CDH23: variants seen among roughly 807,000 people sequenced by gnomAD.
CDH23 encodes the protein cadherin related 23, also known as cadherin-23.
CDH23 carries 189 observed loss-of-function variants against 317.1 expected under a neutral mutation model. That is an observed-to-expected ratio of 0.60 (90% CI 0.53 to 0.67). The LOEUF is 0.67. Among genes scored for constraint, CDH23 ranks in the 30% least tolerant of loss-of-function variants. The pLI is 0.00. For synonymous variants in CDH23, 1,839 were observed against 1,876.8 expected (o/e 0.98, Z 0.52); for missense variants, 4,401 against 4,592.4 (o/e 0.96, Z 1.20).
At chr10:71,727,091 T>G (rs761477738) in intron 30 of CDH23, among the ~76,000 whole-genome samples, 39 of 152,250 alleles carry the variant, frequency 2.6e-4, no homozygotes, top group Admixed American at 2.6e-4. Flanking sequence ...ACGTGCCCGA[T>G]ATTTTTCTAA....
At chr10:71,437,692 C>T (rs996716330) in intron 1 of CDH23, among the ~76,000 whole-genome samples, 1 of 152,226 alleles carries the variant, frequency 6.6e-6, no homozygotes, top group South Asian at 2.1e-4. Context: ...CAAAGTATTC[C>T]TTACAAATTG....
intron 11 of CDH23, among the ~76,000 whole-genome samples, chr10:71,643,363 C>T (rs972692393): frequency 6.6e-6 from 1 of 152,102 alleles, no homozygotes; most frequent in East Asian, 1.9e-4. Context: ...GGAAAATTTG[C>T]CATGTCTCTG....
rs920499024 is a variant in CDH23, at chr10:71,567,971, TG to T, written c.624+1041del. On this transcript the variant is annotated intron_variant, in intron 7 of 69. Transcript: ENST00000224721. ...CTGTCAAGGGGCCTGCCGGCAGCGC[TG>T]GGGGGCTCTCCTTGGTAGGTCACAG... Among the ~76,000 whole-genome samples the T allele has an allele frequency of 5.9e-5, 9 of 152,338 alleles. No homozygotes were observed. The Middle Eastern group carries it at 0.01, about 173-fold the overall frequency.
At chr10:71,466,761 C>T (rs537521011) in intron 3 of CDH23, among the ~76,000 whole-genome samples, 6 of 152,156 alleles carry the variant, frequency 3.9e-5, no homozygotes, top group South Asian at 2.1e-4. Flanking sequence ...TGCCTTCTTG[C>T]GTGGTATGTG....
At chr10:71,430,221 C>A (rs1849305051) in intron 1 of CDH23, among the ~76,000 whole-genome samples, 1 of 152,000 alleles carries the variant, frequency 6.6e-6, no homozygotes, top group Admixed American at 6.6e-5. Context: ...TTTGATCACT[C>A]CATTCTTGTC....
At chr10:71,589,507 C>G (rs1400119430) in intron 9 of CDH23, among the ~76,000 whole-genome samples, 1 of 152,172 alleles carries the variant, frequency 6.6e-6, no homozygotes, top group African/African-American at 2.4e-5. Flanking sequence ...TAAAGCCCAC[C>G]CCACCCATTC....
At chr10:71,569,316 T>A (rs1260375306) in intron 7 of CDH23, among the ~76,000 whole-genome samples, 1 of 152,058 alleles carries the variant, frequency 6.6e-6, no homozygotes, top group Non-Finnish European at 1.5e-5. Flanking sequence ...AGCAGCTCCA[T>A]CTCTGCAGGC....
intron 14 of CDH23, among the ~76,000 whole-genome samples, chr10:71,649,854 T>A (rs1290262217): frequency 6.6e-6 from 1 of 152,242 alleles, no homozygotes; most frequent in Non-Finnish European, 1.5e-5. Flanking sequence ...GCGCTGTTAT[T>A]CTCACTTTAC....
intron 1 of CDH23, among the ~76,000 whole-genome samples, chr10:71,417,740 G>C (rs914515764): frequency 2.6e-5 from 4 of 151,246 alleles, no homozygotes; most frequent in African/African-American, 9.8e-5. Context: ...CTCTCAAGTA[G>C]CTGGGACTAC....
intron 30 of CDH23, among the ~76,000 whole-genome samples, chr10:71,728,156 GAA>G (rs985513494): frequency 6.6e-6 from 1 of 152,080 alleles, no homozygotes; most frequent in Non-Finnish European, 1.5e-5. Context: ...TCTGTTTACC[GAA>G]AAAGAGTTCC....
intron 9 of CDH23, among the ~76,000 whole-genome samples, chr10:71,594,862 T>C (rs1859735058): frequency 6.6e-6 from 1 of 152,268 alleles, no homozygotes; most frequent in East Asian, 1.9e-4. Flanking sequence ...AATGATTTAA[T>C]GTCAGCAATT....
chr10:71,787,565 A>G (rs1359354127), intron 44 of CDH23, among the ~76,000 whole-genome samples: 1 of 151,904 alleles, frequency 6.6e-6, no homozygotes, highest in Non-Finnish European at 1.5e-5. Context: ...CTGAGTCTCC[A>G]ATGACTCTTA....
chr10:71,705,441 C>T (rs557390618), intron 25 of CDH23, among the ~76,000 whole-genome samples: 23 of 152,156 alleles, frequency 1.5e-4, no homozygotes, highest in Non-Finnish European at 2.6e-4. Flanking sequence ...GAGCAGGGCC[C>T]GGGACCCTCA....
At chr10:71,513,632 A>C (rs1406290516) in intron 6 of CDH23, among the ~76,000 whole-genome samples, 1 of 152,200 alleles carries the variant, frequency 6.6e-6, no homozygotes, top group Non-Finnish European at 1.5e-5. Context: ...GGTTTCCAGC[A>C]GAGTCTGGCT....
rs1279501140 is a variant in CDH23 at position 71,815,281 on chromosome 10, A to G, written c.*3A>G. Reference sequence around the variant, plus strand: ...CCCTGGAGATCACAGAGCTGTGACTAGACAGGGAAGCCTTGTGGGTGTGAG... The same window carrying G: ...CCCTGGAGATCACAGAGCTGTGACTGGACAGGGAAGCCTTGTGGGTGTGAG... On this transcript the variant is annotated 3_prime_UTR_variant, in exon 70 of 70. Transcript: ENST00000224721. 1.2e-5 allele frequency: 18 copies of G among 1,553,570 alleles called. No individual in the cohort carries two copies. Among genetic ancestry groups the G allele is most frequent in the Non-Finnish European group, 1.5e-5 (17 of 1,145,078 alleles).
intron 6 of CDH23, among the ~76,000 whole-genome samples, chr10:71,528,507 G>A (rs144567912): frequency 2.8e-4 from 42 of 152,372 alleles, no homozygotes; most frequent in African/African-American, 9.1e-4. Context: ...CAGCCGGCCT[G>A]CGGCAGACAC....
At chr10:71,509,854 G>A in intron 3 of CDH23, 1 of 562,944 alleles carries the variant, frequency 1.8e-6, no homozygotes, top group Non-Finnish European at 3.2e-6. Context: ...ATGGTGAGTG[G>A]TGGTTCCCTG....
intron 28 of CDH23, 105 bp downstream of exon 28, chr10:71,712,918 G>A: frequency 1.5e-6 from 2 of 1,375,978 alleles, no homozygotes; most frequent in Non-Finnish European, 2.0e-6. Flanking sequence ...GAAGCAGGTG[G>A]GGGCCCAGGG....
Position 71,424,214 on chromosome 10 carries a change from C to T in CDH23, c.-5-15613C>T, listed in dbSNP as rs570166463. ...GGATTTGAAACTGGATCTCGCTCCC[C>T]GCCTGATGGTTCCCAGGTAGACTTG... is the stretch of plus-strand genomic sequence containing the variant. On this transcript the variant is annotated intron_variant, in intron 1 of 69. Transcript: ENST00000224721. Among the ~76,000 whole-genome samples, 6 of 152,322 alleles carry T rather than the reference C, an allele frequency of 3.9e-5. 1 individual carries two copies. The highest frequency in any genetic ancestry group is 4.1e-4 in the South Asian group (2 of 4,828).
Sources: gnomAD v4.1 joint callset for allele counts (sites outside exome capture counted in the v4.1 genomes callset) on GRCh38, gnomAD v4.1.1 for gene constraint, MANE v1.5 for transcripts, NCBI Gene and HGNC (gene_info 2026-07-23, HGNC 2026-07-21) for gene names.